The following FAAH2 variants were observed in gnomAD, a reference collection of about 807,000 sequenced individuals.
FAAH2 encodes the protein fatty-acid amide hydrolase 2.
In FAAH2, 60 loss-of-function variants were observed where a neutral mutation model predicts 36.9. That is an observed-to-expected ratio of 1.63 (90% CI 1.32 to 2.02). The LOEUF (loss-of-function observed/expected upper bound fraction) is 2.02, where lower values mean the gene tolerates loss of function less well. Ranked by LOEUF, FAAH2 falls within the 30% of genes most tolerant of loss-of-function variation. The probability of loss-of-function intolerance (pLI) is 0.00; values close to 1 mark genes in which losing one functional copy is unlikely to be tolerated. For missense variants in FAAH2, 689 were observed against 397.5 expected (o/e 1.73, Z -6.23); for synonymous variants, 214 against 143.8 (o/e 1.49, Z -3.49).
At chrX:57,230,222 TCTTA>T in the FAAH2 span, among the ~76,000 whole-genome samples, 3 of 112,295 alleles carry the variant, frequency 2.7e-5, no homozygotes, top group South Asian at 1.1e-3. Flanking sequence ...TTTCCCGTGT[TCTTA>T]CTTCTTCACT....
chrX:57,439,348 G>A (rs1392106643), intron 8 of FAAH2, among the ~76,000 whole-genome samples: 2 of 111,537 alleles, frequency 1.8e-5, no homozygotes, highest in East Asian at 5.6e-4. Context: ...TTCTCTGATG[G>A]CCAGTGATGA....
the FAAH2 span, among the ~76,000 whole-genome samples, chrX:57,242,761 C>G: frequency 9.4e-3 from 1,061 of 112,285 alleles, 8 homozygotes; most frequent in Non-Finnish European, 0.014. Flanking sequence ...TCTTTGCAAC[C>G]CACAGACCAG....
At chrX:57,198,464 G>A in the FAAH2 span, among the ~76,000 whole-genome samples, 1 of 112,192 alleles carries the variant, frequency 8.9e-6, no homozygotes, top group Non-Finnish European at 1.9e-5. Flanking sequence ...CAGCCAGTGA[G>A]CAGAACTGAG....
intron 10 of FAAH2, among the ~76,000 whole-genome samples, chrX:57,481,720 G>T (rs7881352): frequency 8.9e-6 from 1 of 112,153 alleles, no homozygotes. Context: ...ACAAGGTCAG[G>T]GACCCAGCTG....
At chrX:57,139,706 G>A in the FAAH2 span, among the ~76,000 whole-genome samples, 1 of 111,382 alleles carries the variant, frequency 9.0e-6, no homozygotes, top group Non-Finnish European at 1.9e-5. Flanking sequence ...CGCCCGCCTT[G>A]GCCTCCCAAA....
the FAAH2 span, among the ~76,000 whole-genome samples, chrX:57,269,347 C>A: frequency 9.0e-6 from 1 of 111,158 alleles, no homozygotes; most frequent in Non-Finnish European, 1.9e-5. Flanking sequence ...ATATTAATGA[C>A]CTGAACTCAG....
intron 5 of FAAH2, among the ~76,000 whole-genome samples, chrX:57,345,442 C>T (rs2053797077): frequency 9.0e-6 from 1 of 110,881 alleles, no homozygotes. Context: ...TCATAAAAAC[C>T]ACTGAGGATC....
the FAAH2 span, among the ~76,000 whole-genome samples, chrX:57,199,019 G>C: frequency 9.1e-6 from 1 of 109,811 alleles, no homozygotes; most frequent in East Asian, 2.9e-4. Flanking sequence ...TTGTTTTCCT[G>C]GTATGTTCCT....
intron 7 of FAAH2, among the ~76,000 whole-genome samples, chrX:57,418,515 A>G (rs1312149068): frequency 9.0e-6 from 1 of 110,534 alleles, no homozygotes; most frequent in Non-Finnish European, 1.9e-5. Flanking sequence ...ATCCCAGGTG[A>G]GGTGACACCC....
chrX:57,264,712 A>G, the FAAH2 span, among the ~76,000 whole-genome samples: 7 of 112,519 alleles, frequency 6.2e-5, no homozygotes, highest in Admixed American at 6.6e-4. Context: ...AAATCATTCT[A>G]TCATAAACAC....
At chrX:57,263,117 A>C in the FAAH2 span, among the ~76,000 whole-genome samples, 1 of 111,693 alleles carries the variant, frequency 9.0e-6, no homozygotes, top group Admixed American at 9.6e-5. Context: ...CAGTTAGACA[A>C]GAAAAGTAAA....
At position 57,420,219 on chromosome X, in the gene FAAH2, T is replaced by A. The variant is rs1228823545; in HGVS notation, c.997-11699T>A. ...CGATGTGGGCTCTTTTTTGGTTCCATATGAACTTTAAAGTAGTTTTTTTCC... is the reference window on the plus strand; with the variant it reads ...CGATGTGGGCTCTTTTTTGGTTCCAAATGAACTTTAAAGTAGTTTTTTTCC... On this transcript the variant is annotated intron_variant, in intron 7 of 10. Coordinates refer to ENST00000374900, the MANE Select transcript of FAAH2 (RefSeq NM_174912.4). Among the ~76,000 whole-genome samples, 3 of 94,748 alleles carry A rather than the reference T, an allele frequency of 3.2e-5. No homozygotes were observed. In the East Asian group the frequency reaches 9.8e-4, roughly 31 times the overall value. 82.3% of individuals were successfully genotyped at this position (94,748 alleles called of 115,157 possible).
chrX:57,281,430 A>G, the FAAH2 span, among the ~76,000 whole-genome samples: 2 of 112,011 alleles, frequency 1.8e-5, no homozygotes, highest in Non-Finnish European at 3.8e-5. Context: ...TTACTAAGAC[A>G]TACATTTGTT....
chrX:57,428,773 A>G (rs905963714), intron 7 of FAAH2, among the ~76,000 whole-genome samples: 1 of 112,126 alleles, frequency 8.9e-6, no homozygotes, highest in Non-Finnish European at 1.9e-5. Context: ...TAAGACCAAA[A>G]CTATAAAAAT....
At chrX:57,183,887 GATATCGCTAA>G in the FAAH2 span, among the ~76,000 whole-genome samples, 1 of 110,600 alleles carries the variant, frequency 9.0e-6, no homozygotes, top group African/African-American at 3.3e-5. Context: ...GCAAGTAGGA[GATATCGCTAA>G]ATTTTTTTCC....
chrX:57,420,126 G>T (rs2055972214), intron 7 of FAAH2, among the ~76,000 whole-genome samples: 2 of 111,754 alleles, frequency 1.8e-5, no homozygotes, highest in Admixed American at 9.5e-5. Flanking sequence ...CTGTAGCCTT[G>T]TAGTGTAGTT....
chrX:57,401,677 G>GA, intron 7 of FAAH2, among the ~76,000 whole-genome samples: 1 of 111,308 alleles, frequency 9.0e-6, no homozygotes. Context: ...AGGGGGTACT[G>GA]CCTTTGGTAG....
intron 5 of FAAH2, among the ~76,000 whole-genome samples, chrX:57,366,478 G>T (rs1171305813): frequency 8.9e-6 from 1 of 112,411 alleles, no homozygotes; most frequent in Non-Finnish European, 1.9e-5. Flanking sequence ...GCTAGCAAAG[G>T]TACTCCAGTG....
At chrX:57,336,913 A>T (rs1325644559) in intron 4 of FAAH2, among the ~76,000 whole-genome samples, 1 of 110,398 alleles carries the variant, frequency 9.1e-6, no homozygotes, top group Non-Finnish European at 1.9e-5. Context: ...GAACTGAAGG[A>T]GATAGAGACA....
Sources: allele counts gnomAD v4.1 joint callset (sites outside exome capture counted in the v4.1 genomes callset), GRCh38; gene constraint gnomAD v4.1.1; transcripts MANE v1.5; gene names NCBI Gene and HGNC (gene_info 2026-07-23, HGNC 2026-07-21).